Variants in MSH3 observed in about 807,000 individuals in gnomAD.
MSH3 encodes mutS homolog 3.
A neutral mutation model predicts 123.3 loss-of-function variants in MSH3; 106 were observed. That is an observed-to-expected ratio of 0.86 (90% CI 0.73 to 1.01). The LOEUF is 1.01. Among genes scored for constraint, MSH3 ranks in the 50% least tolerant of loss-of-function variants. The pLI is 0.00. For synonymous variants in MSH3, 515 were observed against 481.4 expected (o/e 1.07, Z -0.91); for missense variants, 1,459 against 1,347.6 (o/e 1.08, Z -1.29).
At chr5:80,705,857 A>T (rs918511486) in intron 8 of MSH3, among the ~76,000 whole-genome samples, 1 of 152,132 alleles carries the variant, frequency 6.6e-6, no homozygotes, top group Non-Finnish European at 1.5e-5. Context: ...GCCCACCCTG[A>T]TGGCCTCACT....
intron 20 of MSH3, among the ~76,000 whole-genome samples, chr5:80,843,769 A>G (rs1003486594): frequency 3.3e-5 from 5 of 151,732 alleles, no homozygotes; most frequent in Admixed American, 1.3e-4. Flanking sequence ...ATCATTTTTT[A>G]TTGCGTCTAT....
chr5:80,816,398 G>A (rs969853056), intron 20 of MSH3, among the ~76,000 whole-genome samples: 1 of 152,240 alleles, frequency 6.6e-6, no homozygotes, highest in African/African-American at 2.4e-5. Flanking sequence ...ATATTTCAGA[G>A]AGAGCATGTG....
At chr5:80,667,432 A>G (rs903473551) in intron 3 of MSH3, among the ~76,000 whole-genome samples, 1 of 152,086 alleles carries the variant, frequency 6.6e-6, no homozygotes, top group African/African-American at 2.4e-5. Flanking sequence ...CCAGCTGTAA[A>G]CCTCTGTGGC....
chr5:80,768,270 G>A, intron 14 of MSH3, 150 bp downstream of exon 14: 1 of 814,138 alleles, frequency 1.2e-6, no homozygotes, highest in South Asian at 1.6e-5. Flanking sequence ...GACCCTAAAA[G>A]TGTTACATTA....
At chr5:80,745,042 A>G (rs938610819) in intron 12 of MSH3, among the ~76,000 whole-genome samples, 2 of 152,228 alleles carry the variant, frequency 1.3e-5, no homozygotes, top group African/African-American at 4.8e-5. Flanking sequence ...GACCTGAGCT[A>G]CAGCAGTAAT....
intron 23 of MSH3, among the ~76,000 whole-genome samples, chr5:80,875,263 C>G (rs1014044640): frequency 1.3e-5 from 2 of 151,906 alleles, no homozygotes; most frequent in Non-Finnish European, 2.9e-5. Flanking sequence ...AATTGGAACT[C>G]AGGTACTCTA....
chr5:80,787,967 G>A (rs978716419), intron 18 of MSH3, among the ~76,000 whole-genome samples: 3 of 152,130 alleles, frequency 2.0e-5, no homozygotes, highest in Admixed American at 6.5e-5. Flanking sequence ...AATTATAAAA[G>A]TTTGATTAGG....
intron 21 of MSH3, among the ~76,000 whole-genome samples, chr5:80,858,341 T>C (rs933257422): frequency 6.6e-6 from 1 of 152,110 alleles, no homozygotes; most frequent in African/African-American, 2.4e-5. Context: ...GAGCCACCGC[T>C]CCTGGCCTAT....
chr5:80,738,241 G>A (rs954080903), intron 10 of MSH3, among the ~76,000 whole-genome samples: 21 of 152,156 alleles, frequency 1.4e-4, no homozygotes, highest in Admixed American at 1.4e-3. Flanking sequence ...CCCACCCCCT[G>A]TATACCAGGT....
chr5:80,761,013 T>C (rs1744022300), intron 12 of MSH3, among the ~76,000 whole-genome samples: 1 of 152,172 alleles, frequency 6.6e-6, no homozygotes, highest in Non-Finnish European at 1.5e-5. Context: ...ACCTGCTCTT[T>C]GATTCAGATA....
At position 80,732,821 on chromosome 5, in the gene MSH3, A is replaced by G. The variant is rs186123159; in HGVS notation, c.1568+3856A>G. Reference sequence around the variant, plus strand: ...CAGGAAAAACTCTGCATAAGATTCAACACCCCTTCATGATAAAAAACGCTC... The same window carrying G: ...CAGGAAAAACTCTGCATAAGATTCAGCACCCCTTCATGATAAAAAACGCTC... On this transcript the variant is annotated intron_variant, in intron 10 of 23. Coordinates refer to ENST00000265081, the MANE Select transcript of MSH3 (RefSeq NM_002439.5). Among the ~76,000 whole-genome samples the G allele has an allele frequency of 3.7e-4, 57 of 152,322 alleles. No individual in the cohort carries two copies. The South Asian group carries it at 6.2e-3, about 17-fold the overall frequency.
chr5:80,772,159 GTAT>G (rs1283132835), intron 15 of MSH3, among the ~76,000 whole-genome samples: 3 of 151,912 alleles, frequency 2.0e-5, no homozygotes, highest in Non-Finnish European at 4.4e-5. Context: ...GTACTGATAA[GTAT>G]TATTATTATT....
chr5:80,786,990 G>GA (rs923535770), intron 17 of MSH3, among the ~76,000 whole-genome samples: 4 of 152,064 alleles, frequency 2.6e-5, no homozygotes, highest in Admixed American at 2.0e-4. Flanking sequence ...GAAGATAAGT[G>GA]AAAAAAGTAC....
At chr5:80,655,207 G>T (rs1749239476) in intron 1 of MSH3, 3 of 375,904 alleles carry the variant, frequency 8.0e-6, no homozygotes. Flanking sequence ...GCAGGCCTGA[G>T]ACAGGAACTC....
intron 8 of MSH3, among the ~76,000 whole-genome samples, chr5:80,711,887 C>T (rs1356937372): frequency 6.6e-6 from 1 of 152,130 alleles, no homozygotes. Flanking sequence ...CTCCTGACCT[C>T]AAGTGATCCA....
At chr5:80,761,909 A>C (rs1439253809) in intron 13 of MSH3, among the ~76,000 whole-genome samples, 1 of 152,198 alleles carries the variant, frequency 6.6e-6, no homozygotes, top group Non-Finnish European at 1.5e-5. Flanking sequence ...ACAGCAACAT[A>C]GAGGCCCTTC....
intron 20 of MSH3, among the ~76,000 whole-genome samples, chr5:80,835,217 G>C (rs890808162): frequency 1.1e-4 from 17 of 152,210 alleles, no homozygotes; most frequent in Non-Finnish European, 2.2e-4. Context: ...AGAGCAATTG[G>C]CTTTTGTTGT....
At chr5:80,865,655 T>G (rs1245151138) in intron 22 of MSH3, among the ~76,000 whole-genome samples, 1 of 152,202 alleles carries the variant, frequency 6.6e-6, no homozygotes, top group African/African-American at 2.4e-5. Flanking sequence ...TACAGTAGAC[T>G]TTAGCATTTT....
chr5:80,670,579 A>T lies in MSH3; in HGVS notation c.792+270A>T, dbSNP rs1650649. Among the ~76,000 whole-genome samples, 114,397 of 152,142 alleles carry T rather than the reference A, an allele frequency of 0.75. 43,544 individuals carry two copies. Among genetic ancestry groups the T allele is most frequent in the African/African-American group, 0.89 (37,047 of 41,520 alleles). ...CAGTACTTTTTATCCATCCAAAGTTAATTGGATGAGTCAATTAGTGAATAA... is the reference window on the plus strand; with the variant it reads ...CAGTACTTTTTATCCATCCAAAGTTTATTGGATGAGTCAATTAGTGAATAA... On this transcript the variant is annotated intron_variant, in intron 4 of 23. Transcript: ENST00000265081.
Sources: gnomAD v4.1 joint callset for allele counts (sites outside exome capture counted in the v4.1 genomes callset) on GRCh38, gnomAD v4.1.1 for gene constraint, MANE v1.5 for transcripts, NCBI Gene and HGNC (gene_info 2026-07-23, HGNC 2026-07-21) for gene names.